The following PPP6R3 variants were observed in gnomAD, a reference collection of about 807,000 sequenced individuals.
PPP6R3 encodes protein phosphatase 6 regulatory subunit 3.
Under a neutral mutation model 110.7 loss-of-function variants are expected in PPP6R3, and 38 were observed. The observed-to-expected ratio is 0.34, with a 90% CI of 0.26 to 0.45. PPP6R3 has a LOEUF of 0.45. Among genes scored for constraint, PPP6R3 ranks in the 20% least tolerant of loss-of-function variants. The probability of loss-of-function intolerance (pLI) is 1.00; values close to 1 mark genes in which losing one functional copy is unlikely to be tolerated. For missense variants in PPP6R3, 870 were observed against 1,062.4 expected (o/e 0.82, Z 2.52); for synonymous variants, 369 against 373.5 (o/e 0.99, Z 0.14).
intron 1 of PPP6R3, among the ~76,000 whole-genome samples, chr11:68,504,927 C>T (rs1214364594): frequency 1.3e-5 from 2 of 152,222 alleles, no homozygotes; most frequent in Non-Finnish European, 2.9e-5. Flanking sequence ...AGCACATTGA[C>T]ATTGTACAAC....
chr11:68,614,000 A>G lies in PPP6R3; in HGVS notation c.*883A>G. The G allele has an allele frequency of 1.0e-6, 1 of 985,364 alleles. No individual in the cohort carries two copies. The highest frequency in any genetic ancestry group is 1.2e-6 in the Non-Finnish European group (1 of 829,884). The allele number at this position is 985,364 out of a possible 1,614,324, so 61.0% of individuals were successfully genotyped here. On this transcript the variant is annotated 3_prime_UTR_variant, in exon 24 of 24. Coordinates refer to ENST00000393800, the MANE Select transcript of PPP6R3 (RefSeq NM_001164161.2). The stretch of plus-strand genomic sequence containing the variant: ...ATTCACCAAAATTTACCTTGTTAAC[A>G]AGCATCACCAATGAACATTTCAGAG...
intron 1 of PPP6R3, among the ~76,000 whole-genome samples, chr11:68,496,798 T>C (rs938336147): frequency 6.6e-6 from 1 of 151,676 alleles, no homozygotes; most frequent in African/African-American, 2.4e-5. Flanking sequence ...TAAAATTGTG[T>C]TGTTTGTCTT....
chr11:68,590,635 A>T (rs749997685), intron 16 of PPP6R3, 25 bp from the exon 17 acceptor site: 1 of 1,518,432 alleles, frequency 6.6e-7, no homozygotes, highest in Non-Finnish European at 8.9e-7. Context: ...AATGCTTCCT[A>T]CACTTTTATT....
At chr11:68,593,074 A>G (rs1325043498) in intron 18 of PPP6R3, among the ~76,000 whole-genome samples, 1 of 152,226 alleles carries the variant, frequency 6.6e-6, no homozygotes, top group Non-Finnish European at 1.5e-5. Flanking sequence ...TCAGTTGTAC[A>G]GTGTGGAAAT....
chr11:68,495,054 A>G (rs1302920066), intron 1 of PPP6R3, among the ~76,000 whole-genome samples: 1 of 152,140 alleles, frequency 6.6e-6, no homozygotes, highest in Non-Finnish European at 1.5e-5. Flanking sequence ...GTGATGTACC[A>G]TAAAGTTTAC....
intron 1 of PPP6R3, among the ~76,000 whole-genome samples, chr11:68,498,390 T>C (rs2099030567): frequency 6.6e-6 from 1 of 152,194 alleles, no homozygotes; most frequent in Non-Finnish European, 1.5e-5. Context: ...ATATTATTAC[T>C]ATTTAAAAAC....
At chr11:68,461,159 G>A (rs1054805676) in intron 1 of PPP6R3, among the ~76,000 whole-genome samples, 2 of 150,872 alleles carry the variant, frequency 1.3e-5, no homozygotes, top group African/African-American at 4.8e-5. Context: ...ACCCGGCTCT[G>A]GCTCCAGCCT....
At chr11:68,472,510 T>C (rs945540150) in intron 1 of PPP6R3, among the ~76,000 whole-genome samples, 1 of 152,156 alleles carries the variant, frequency 6.6e-6, no homozygotes, top group African/African-American at 2.4e-5. Context: ...CCAAAATGAT[T>C]GTACCTCTTT....
At chr11:68,474,100 T>C (rs1023117126) in intron 1 of PPP6R3, among the ~76,000 whole-genome samples, 1 of 151,662 alleles carries the variant, frequency 6.6e-6, no homozygotes, top group Non-Finnish European at 1.5e-5. Flanking sequence ...TGAAGTGCAC[T>C]GTGGCATGAT....
chr11:68,474,308 A>G (rs997675934), intron 1 of PPP6R3, among the ~76,000 whole-genome samples: 5 of 152,118 alleles, frequency 3.3e-5, no homozygotes, highest in Admixed American at 3.3e-4. Flanking sequence ...GGCCTCTCAA[A>G]GTGTTGGGAT....
intron 18 of PPP6R3, among the ~76,000 whole-genome samples, chr11:68,594,928 C>T (rs2099608922): frequency 6.6e-6 from 1 of 152,206 alleles, no homozygotes; most frequent in South Asian, 2.1e-4. Context: ...CATATATGGA[C>T]AACTGACTTT....
chr11:68,599,991 G>A (rs901446414), intron 19 of PPP6R3, among the ~76,000 whole-genome samples: 4 of 152,176 alleles, frequency 2.6e-5, no homozygotes, highest in Admixed American at 6.5e-5. Flanking sequence ...GCGTGATGGC[G>A]GGTGCCAGTA....
chr11:68,596,438 G>A (rs1274007569), intron 19 of PPP6R3, among the ~76,000 whole-genome samples: 1 of 152,216 alleles, frequency 6.6e-6, no homozygotes, highest in Non-Finnish European at 1.5e-5. Flanking sequence ...CCCCTTCCTG[G>A]TAGGAAATGA....
At chr11:68,572,505 G>A (rs1450622870) in intron 12 of PPP6R3, among the ~76,000 whole-genome samples, 1 of 152,084 alleles carries the variant, frequency 6.6e-6, no homozygotes, top group Non-Finnish European at 1.5e-5. Flanking sequence ...GGTAACACCT[G>A]GCTCTCTGGA....
At chr11:68,529,245 G>GTC (rs1272329566) in intron 2 of PPP6R3, among the ~76,000 whole-genome samples, 3 of 152,108 alleles carry the variant, frequency 2.0e-5, no homozygotes, top group African/African-American at 7.2e-5. Context: ...TCCAGATGGA[G>GTC]TCTCACTCTG....
chr11:68,462,596 C>T (rs573517733), intron 1 of PPP6R3, among the ~76,000 whole-genome samples: 1 of 152,282 alleles, frequency 6.6e-6, no homozygotes, highest in African/African-American at 2.4e-5. Flanking sequence ...CAGTATTCTT[C>T]AGCAAAGATA....
intron 1 of PPP6R3, among the ~76,000 whole-genome samples, chr11:68,480,721 C>T (rs2098901611): frequency 6.6e-6 from 1 of 152,080 alleles, no homozygotes; most frequent in Admixed American, 6.6e-5. Context: ...TAACCAAGTA[C>T]CAGATATGTG....
chr11:68,479,749 T>C (rs969440223), intron 1 of PPP6R3, among the ~76,000 whole-genome samples: 3 of 151,856 alleles, frequency 2.0e-5, no homozygotes, highest in Non-Finnish European at 2.9e-5. Flanking sequence ...GTTTCTTTCT[T>C]TTTTTTTGAG....
At chr11:68,570,110 A>G (rs1243715535) in intron 11 of PPP6R3, among the ~76,000 whole-genome samples, 1 of 152,276 alleles carries the variant, frequency 6.6e-6, no homozygotes, top group Non-Finnish European at 1.5e-5. Context: ...TCTTGTAAGA[A>G]AAAAGCTAAG....
Sources: allele counts gnomAD v4.1 joint callset (sites outside exome capture counted in the v4.1 genomes callset), GRCh38; gene constraint gnomAD v4.1.1; transcripts MANE v1.5; gene names NCBI Gene and HGNC (gene_info 2026-07-23, HGNC 2026-07-21).